Variants in EPHA7 observed in about 807,000 individuals in gnomAD.
The protein encoded by EPHA7 is EPH receptor A7.
In EPHA7, 25 loss-of-function variants were observed where a neutral mutation model predicts 112.6. The observed-to-expected ratio is 0.22, with a 90% CI of 0.16 to 0.31. The LOEUF (loss-of-function observed/expected upper bound fraction) is 0.31. Ranked by LOEUF, EPHA7 falls within the 10% of genes least tolerant of loss-of-function variation. The pLI, the probability that EPHA7 is intolerant of heterozygous loss-of-function variation, is 1.00. For synonymous variants in EPHA7, 437 were observed against 406.5 expected (o/e 1.07, Z -0.90); for missense variants, 962 against 1,212.6 (o/e 0.79, Z 3.07).
intron 5 of EPHA7, among the ~76,000 whole-genome samples, chr6:93,345,088 T>TAG (rs1028699735): frequency 1.6e-4 from 24 of 151,672 alleles, no homozygotes; most frequent in Non-Finnish European, 3.4e-4. Context: ...TACATGTCTA[T>TAG]ACACATAAAT....
intron 14 of EPHA7, among the ~76,000 whole-genome samples, chr6:93,253,872 G>C (rs1562045446): frequency 2.0e-5 from 3 of 151,914 alleles, no homozygotes; most frequent in Admixed American, 1.3e-4. Context: ...AACTATAAGT[G>C]CTCTTGGCCT....
intron 3 of EPHA7, among the ~76,000 whole-genome samples, chr6:93,408,679 T>C (rs484164): frequency 0.31 from 46,960 of 151,950 alleles, 8,279 homozygotes; most frequent in African/African-American, 0.5. Context: ...AAGATGATAA[T>C]TGAGTGCAGA....
chr6:93,343,245 T>C (rs1276001719), intron 5 of EPHA7, among the ~76,000 whole-genome samples: 1 of 151,720 alleles, frequency 6.6e-6, no homozygotes, highest in African/African-American at 2.4e-5. Flanking sequence ...CAAATTTTTA[T>C]AATCACTTAC....
chr6:93,375,019 A>G (rs1776982785), intron 3 of EPHA7, among the ~76,000 whole-genome samples: 1 of 152,130 alleles, frequency 6.6e-6, no homozygotes, highest in African/African-American at 2.4e-5. Context: ...CATTATATAA[A>G]CCATGTAACT....
At chr6:93,396,077 C>A (rs1778157729) in intron 3 of EPHA7, among the ~76,000 whole-genome samples, 1 of 151,864 alleles carries the variant, frequency 6.6e-6, no homozygotes, top group Non-Finnish European at 1.5e-5. Context: ...ATCAGACAGG[C>A]AAACATCATG....
At chr6:93,300,309 C>A (rs2127848599) in intron 5 of EPHA7, among the ~76,000 whole-genome samples, 1 of 152,160 alleles carries the variant, frequency 6.6e-6, no homozygotes, top group East Asian at 1.9e-4. Flanking sequence ...TGGCAACATG[C>A]TGATGACTTT....
intron 9 of EPHA7, chr6:93,260,847 A>G (rs1407318060): frequency 7.9e-6 from 5 of 632,160 alleles, no homozygotes; most frequent in Middle Eastern, 8.0e-4. Flanking sequence ...AAGAGAGAAG[A>G]AGGAGTATAG....
At chr6:93,316,928 A>G (rs896108214) in intron 5 of EPHA7, among the ~76,000 whole-genome samples, 3 of 152,206 alleles carry the variant, frequency 2.0e-5, no homozygotes, top group Non-Finnish European at 4.4e-5. Context: ...TAGCCTTGAC[A>G]AGAGGAAAAC....
At chr6:93,300,536 TTA>T (rs1772925350) in intron 5 of EPHA7, among the ~76,000 whole-genome samples, 1 of 152,250 alleles carries the variant, frequency 6.6e-6, no homozygotes, top group African/African-American at 2.4e-5. Flanking sequence ...TTAAAAAGAA[TTA>T]TACATGAATA....
At position 93,419,124 on chromosome 6, in the gene EPHA7, C is replaced by A. The variant is rs139396597; in HGVS notation, c.97+121G>T. On this transcript the variant is annotated intron_variant, in intron 1 of 16. Coordinates refer to ENST00000369303, the MANE Select transcript of EPHA7 (RefSeq NM_004440.4). ...CCTCAGCGGTGAGGGGGCGGGGAGC[C>A]GGCGGGGGAGGGTCGCCCGGCGCCG... The A allele has an allele frequency of 1.5e-3, 1,098 of 712,640 alleles. 8 individuals carry two copies. In the African/African-American group the frequency reaches 0.018, roughly 12 times the overall value. The allele number at this position is 712,640 out of a possible 1,614,324, so 44.1% of individuals were successfully genotyped here.
chr6:93,291,518 C>T (rs1399111441), intron 5 of EPHA7, among the ~76,000 whole-genome samples: 1 of 151,832 alleles, frequency 6.6e-6, no homozygotes, highest in African/African-American at 2.4e-5. Flanking sequence ...CCTGTAATCC[C>T]AGCACTTTGG....
At chr6:93,301,071 G>A (rs1772953507) in intron 5 of EPHA7, among the ~76,000 whole-genome samples, 1 of 152,132 alleles carries the variant, frequency 6.6e-6, no homozygotes, top group Admixed American at 6.6e-5. Context: ...GCCAGCTGTT[G>A]TGTATGTCGT....
chr6:93,281,257 C>G (rs1415566188), intron 5 of EPHA7, among the ~76,000 whole-genome samples: 4 of 152,156 alleles, frequency 2.6e-5, no homozygotes, highest in Non-Finnish European at 4.4e-5. Context: ...AACACACACT[C>G]TTTTCAAAAT....
chr6:93,270,192 A>T (rs1264249572), intron 6 of EPHA7, among the ~76,000 whole-genome samples: 2 of 151,626 alleles, frequency 1.3e-5, no homozygotes, highest in African/African-American at 4.8e-5. Context: ...CTTCTGCAAA[A>T]CAGTTTAATG....
chr6:93,267,101 G>GTTCT (rs1770979347), intron 7 of EPHA7, among the ~76,000 whole-genome samples: 3 of 151,672 alleles, frequency 2.0e-5, no homozygotes, highest in Non-Finnish European at 3.0e-5. Flanking sequence ...ATGTTTGTGT[G>GTTCT]TTCTTGTGTT....
At chr6:93,392,094 C>T (rs182777492) in intron 3 of EPHA7, among the ~76,000 whole-genome samples, 38 of 151,908 alleles carry the variant, frequency 2.5e-4, no homozygotes, top group African/African-American at 8.4e-4. Flanking sequence ...ATTTTTACAC[C>T]CAATTCCTTC....
intron 5 of EPHA7, among the ~76,000 whole-genome samples, chr6:93,343,037 C>G (rs907657872): frequency 4.6e-5 from 7 of 151,602 alleles, no homozygotes; most frequent in Non-Finnish European, 7.4e-5. Context: ...AAAAGTTGAA[C>G]ACTTTTTGTT....
intron 5 of EPHA7, among the ~76,000 whole-genome samples, chr6:93,295,679 G>A (rs1347866280): frequency 6.6e-6 from 1 of 151,574 alleles, no homozygotes; most frequent in Non-Finnish European, 1.5e-5. Context: ...CTTTGAAAGT[G>A]TTTATTTATT....
At chr6:93,368,758 G>C (rs952486235) in intron 3 of EPHA7, among the ~76,000 whole-genome samples, 15 of 152,096 alleles carry the variant, frequency 9.9e-5, no homozygotes, top group African/African-American at 2.9e-4. Context: ...AGTTTTCTGC[G>C]ATAATTTTAA....
Sources: gnomAD v4.1 joint callset for allele counts (sites outside exome capture counted in the v4.1 genomes callset) on GRCh38, gnomAD v4.1.1 for gene constraint, MANE v1.5 for transcripts, NCBI Gene and HGNC (gene_info 2026-07-23, HGNC 2026-07-21) for gene names.